RBMS3: variants seen among roughly 807,000 people sequenced by gnomAD.
The protein encoded by RBMS3 is RNA binding motif single stranded interacting protein 3.
In RBMS3, 27 loss-of-function variants were observed where a neutral mutation model predicts 66.8. The ratio of observed to expected loss-of-function variants is 0.40; its 90% CI spans 0.30 to 0.56. RBMS3 has a LOEUF of 0.56. RBMS3 is among the 20% of genes least tolerant of loss of function. The pLI is 0.40. For synonymous variants in RBMS3, 188 were observed against 183.0 expected, an observed-to-expected ratio of 1.03 and a Z score of -0.22; for missense variants, 513 against 549.5, an observed-to-expected ratio of 0.93 and a Z score of 0.66.
intron 4 of RBMS3, among the ~76,000 whole-genome samples, chr3:29,668,062 A>G (rs1045692057): frequency 6.6e-6 from 1 of 152,194 alleles, no homozygotes; most frequent in Non-Finnish European, 1.5e-5. Context: ...AAACTATATT[A>G]GCTTCTTCAT....
At chr3:29,335,461 GA>G (rs1339448818) in intron 1 of RBMS3, among the ~76,000 whole-genome samples, 3 of 152,122 alleles carry the variant, frequency 2.0e-5, no homozygotes, top group African/African-American at 7.2e-5. Flanking sequence ...TATGCTCAAA[GA>G]ACTCCCCTGC....
intron 5 of RBMS3, among the ~76,000 whole-genome samples, chr3:29,747,146 A>G (rs2054937607): frequency 1.3e-5 from 2 of 152,216 alleles, no homozygotes; most frequent in Non-Finnish European, 2.9e-5. Context: ...ATATAGCCCA[A>G]TATCATTTGA....
At chr3:29,640,678 C>CT (rs2049669297) in intron 4 of RBMS3, among the ~76,000 whole-genome samples, 1 of 151,840 alleles carries the variant, frequency 6.6e-6, no homozygotes, top group Non-Finnish European at 1.5e-5. Flanking sequence ...CTGTACAATT[C>CT]TTTCTGCTAT....
chr3:29,474,153 T>C (rs2042865162), intron 2 of RBMS3, among the ~76,000 whole-genome samples: 2 of 152,274 alleles, frequency 1.3e-5, no homozygotes, highest in Non-Finnish European at 2.9e-5. Flanking sequence ...TGACTTCTAA[T>C]ACATTAGTTT....
At chr3:29,977,908 T>TA (rs58268240) in intron 12 of RBMS3, among the ~76,000 whole-genome samples, 2,380 of 143,050 alleles carry the variant, frequency 0.017, 61 homozygotes, top group African/African-American at 0.053. Flanking sequence ...GAGGCTCTAG[T>TA]AAAAAAAAAA....
At chr3:29,819,210 T>C (rs1386348576) in intron 6 of RBMS3, among the ~76,000 whole-genome samples, 3 of 152,206 alleles carry the variant, frequency 2.0e-5, no homozygotes, top group East Asian at 1.9e-4. Context: ...TTTCATTCCA[T>C]ATCCATAGCC....
chr3:29,705,796 T>A (rs1384243053), intron 4 of RBMS3, among the ~76,000 whole-genome samples: 1 of 152,148 alleles, frequency 6.6e-6, no homozygotes, highest in Admixed American at 6.6e-5. Flanking sequence ...CATGCAAATA[T>A]TAGGAATTAG....
intron 1 of RBMS3, among the ~76,000 whole-genome samples, chr3:29,417,391 C>G (rs2040521663): frequency 6.6e-6 from 1 of 152,076 alleles, no homozygotes; most frequent in African/African-American, 2.4e-5. Context: ...ACCTCTGGCT[C>G]ATCCATGCAG....
At chr3:29,966,243 CTG>C (rs1696841503) in intron 12 of RBMS3, among the ~76,000 whole-genome samples, 5 of 152,208 alleles carry the variant, frequency 3.3e-5, no homozygotes, top group Admixed American at 2.0e-4. Flanking sequence ...TTTTCTAACT[CTG>C]TGAAAATGAT....
chr3:29,586,200 C>A (rs2047515453), intron 3 of RBMS3, among the ~76,000 whole-genome samples: 1 of 152,082 alleles, frequency 6.6e-6, no homozygotes, highest in South Asian at 2.1e-4. Context: ...TCCTTATACT[C>A]ACTCTTGAGC....
chr3:29,405,982 A>G (rs1036399569), intron 1 of RBMS3, among the ~76,000 whole-genome samples: 16 of 152,204 alleles, frequency 1.1e-4, no homozygotes, highest in African/African-American at 3.6e-4. Flanking sequence ...CCCCTGCTGC[A>G]TATCCTAATT....
At chr3:29,487,374 G>A (rs1226314038) in intron 2 of RBMS3, among the ~76,000 whole-genome samples, 1 of 152,126 alleles carries the variant, frequency 6.6e-6, no homozygotes, top group African/African-American at 2.4e-5. Context: ...TAGGTAGAGT[G>A]AGAACATAAT....
At chr3:29,692,815 A>G (rs182030485) in intron 4 of RBMS3, among the ~76,000 whole-genome samples, 8 of 152,326 alleles carry the variant, frequency 5.3e-5, no homozygotes, top group Admixed American at 5.2e-4. Context: ...CTTAAGCATA[A>G]TTATAAATTA....
chr3:29,631,590 GA>G (rs1239352163), intron 4 of RBMS3, among the ~76,000 whole-genome samples: 1 of 151,764 alleles, frequency 6.6e-6, no homozygotes, highest in Admixed American at 6.6e-5. Flanking sequence ...TCAAACACCA[GA>G]ATCCCACTAG....
intron 6 of RBMS3, among the ~76,000 whole-genome samples, chr3:29,818,434 T>C (rs183978449): frequency 6.5e-4 from 99 of 152,212 alleles, no homozygotes; most frequent in Admixed American, 1.2e-3. Flanking sequence ...ATTTTTTTAG[T>C]TGTCGTTTGA....
chr3:29,680,688 A>G (rs1029278167), intron 4 of RBMS3, among the ~76,000 whole-genome samples: 3 of 152,188 alleles, frequency 2.0e-5, no homozygotes, highest in Non-Finnish European at 2.9e-5. Context: ...TAACTCTACA[A>G]TGAACCTTTT....
intron 14 of RBMS3, among the ~76,000 whole-genome samples, chr3:29,995,046 A>G (rs1376099564): frequency 6.6e-6 from 1 of 152,232 alleles, no homozygotes; most frequent in Non-Finnish European, 1.5e-5. Flanking sequence ...AAGAATGTAT[A>G]ACTAGAATAA....
intron 12 of RBMS3, among the ~76,000 whole-genome samples, chr3:29,985,076 T>G (rs1698283049): frequency 6.6e-6 from 1 of 152,230 alleles, no homozygotes; most frequent in African/African-American, 2.4e-5. Context: ...CTGCTGCCTT[T>G]CTTTCAGAGA....
At chr3:29,615,331 T>G (rs1477549421) in intron 4 of RBMS3, 2 of 152,170 alleles carry the variant, frequency 1.3e-5, no homozygotes, top group Non-Finnish European at 2.9e-5. Flanking sequence ...AGGTCTCCTG[T>G]CTGTGATCAT....
Sources: allele counts gnomAD v4.1 joint callset (sites outside exome capture counted in the v4.1 genomes callset), GRCh38; gene constraint gnomAD v4.1.1; transcripts MANE v1.5; gene names NCBI Gene and HGNC (gene_info 2026-07-23, HGNC 2026-07-21).